AFP: variants seen among roughly 807,000 people sequenced by gnomAD.
AFP encodes alpha-fetoprotein.
Under a neutral mutation model 78.9 loss-of-function variants are expected in AFP, and 64 were observed. That is an observed-to-expected ratio of 0.81 (90% CI 0.66 to 1.00). The LOEUF (loss-of-function observed/expected upper bound fraction) is 1.00. AFP is among the 50% of genes least tolerant of loss of function. The pLI is 0.00. For synonymous variants in AFP, 254 were observed against 243.8 expected (o/e 1.04, Z -0.39); for missense variants, 689 against 703.8 (o/e 0.98, Z 0.24).
chr4:73,441,712 G>A (rs1445599222), intron 4 of AFP, among the ~76,000 whole-genome samples: 2 of 151,838 alleles, frequency 1.3e-5, no homozygotes, highest in Non-Finnish European at 2.9e-5. Flanking sequence ...ATAGGAAATT[G>A]AAGGTTGGAA....
In AFP at chr4:73,453,772, A is replaced by C; in HGVS notation, c.1660A>C (p.Ile554Leu). 5.6e-6 allele frequency: 9 copies of C among 1,613,546 alleles called. No individual in the cohort carries two copies. The highest frequency in any genetic ancestry group is 7.6e-6 in the Non-Finnish European group (9 of 1,179,582). ...ALQTMKQEFL[I>L]NLVKQKPQIT... ...TTTTGTTTTAAATCACAGGTTTCTC[A>C]TTAACCTTGTGAAGCAAAAGCCACA... Residue 554 changes from isoleucine to leucine, a missense_variant, in exon 13 of 15, where the codon ATT becomes CTT. Ile to Leu is a conservative substitution (Grantham distance 5). Coordinates refer to ENST00000395792, the MANE Select transcript of AFP (RefSeq NM_001134.3).
chr4:73,453,399 T>TA (rs529560786), intron 12 of AFP: 87 of 264,802 alleles, frequency 3.3e-4, no homozygotes, highest in Non-Finnish European at 5.7e-4. Context: ...AGGGGTGTGA[T>TA]AACTGGATGG....
At position 73,447,518 on chromosome 4, in the gene AFP, A is replaced by G. The variant is rs566738802; in HGVS notation, c.900A>G (p.Thr300=). ...AAGACACTCTGTCAAACAAAATAAC[A>G]GAATGCTGCAAACTGACCACGCTGG... ...SQQDTLSNKI[T]ECCKLTTLER... The change falls in exon 8 of 15, where the codon ACA becomes ACG. Residue 300 remains threonine, a synonymous_variant. Coordinates refer to ENST00000395792, the MANE Select transcript of AFP (RefSeq NM_001134.3). The G allele has an allele frequency of 6.2e-7, 1 of 1,612,470 alleles. No homozygotes were observed. The highest frequency in any genetic ancestry group is 2.2e-5 in the East Asian group (1 of 44,854).
In AFP at chr4:73,440,730, A is replaced by G. The variant is rs200305333; in HGVS notation, c.399A>G (p.Pro133=). ...NCFLAHKKPT[P]ASIPLFQVPE... is the part of the protein sequence containing the mutation. ...TTCTTGCACACAAAAAGCCCACTCCAGCATCGATCCCACTTTTCCAAGTTC... is the reference window on the plus strand; with the variant it reads ...TTCTTGCACACAAAAAGCCCACTCCGGCATCGATCCCACTTTTCCAAGTTC... Residue 133 remains proline, a synonymous_variant, in exon 4 of 15, where the codon CCA becomes CCG. Transcript: ENST00000395792. 5.3e-5 allele frequency: 86 copies of G among 1,614,086 alleles called. No individual in the cohort carries two copies. Among genetic ancestry groups the G allele is most frequent in the Admixed American group, 1.2e-4 (7 of 60,008 alleles).
At position 73,447,541 on chromosome 4, in the gene AFP, TGGAA is replaced by T. The variant is rs1299492872; in HGVS notation, c.924_927del (p.Glu309ValfsTer5). 1.2e-6 allele frequency: 2 copies of T among 1,612,978 alleles called. No individual in the cohort carries two copies. Among genetic ancestry groups the T allele is most frequent in the Non-Finnish European group, 8.5e-7 (1 of 1,179,650 alleles). On this transcript the variant is annotated frameshift_variant, in exon 8 of 15. Coordinates refer to ENST00000395792, the MANE Select transcript of AFP (RefSeq NM_001134.3). LOFTEE classifies it high-confidence loss of function. ...ACAGAATGCTGCAAACTGACCACGCTGGAACGTGGTCAATGTATAATTCATGCAG... is the reference window on the plus strand; with the variant it reads ...ACAGAATGCTGCAAACTGACCACGCTCGTGGTCAATGTATAATTCATGCAG...
chr4:73,449,052 G>A (rs531868423), intron 8 of AFP, among the ~76,000 whole-genome samples: 83 of 152,126 alleles, frequency 5.5e-4, no homozygotes, highest in African/African-American at 1.9e-3. Flanking sequence ...AGTGGACACT[G>A]GAAAAATATT....
intron 7 of AFP, among the ~76,000 whole-genome samples, chr4:73,446,397 A>G (rs11936954): frequency 0.012 from 1,844 of 152,264 alleles, 49 homozygotes; most frequent in African/African-American, 0.042. Flanking sequence ...TAATTTCAGC[A>G]TGATATGTAA....
Position 73,450,318 on chromosome 4 carries a change from G to A in AFP, c.1289+185G>A, listed in dbSNP as rs576507972. 9.9e-5 allele frequency among the ~76,000 whole-genome samples: 15 copies of A among 152,270 alleles called. No homozygotes were observed. The South Asian group carries it at 1.9e-3, about 19-fold the overall frequency. On this transcript the variant is annotated intron_variant, in intron 10 of 14. Transcript: ENST00000395792. ...ATATCCATTCTGTCATAGTCTGTCCGAGTTAAAGCACCAAAAGATCACAGT... is the reference window on the plus strand; with the variant it reads ...ATATCCATTCTGTCATAGTCTGTCCAAGTTAAAGCACCAAAAGATCACAGT...
chr4:73,450,726 C>G lies in AFP; in HGVS notation c.1401C>G (p.Asp467Glu). ...CCACTTGTTGCCAACTCAGTGAGGA[C>G]AAACTATTGGCCTGTGGCGAGGGAG... ...TAATCCQLSEDKLLACGEGAA... is the reference protein window; with the variant it reads ...TAATCCQLSEEKLLACGEGAA... Residue 467 changes from aspartate to glutamate, a missense_variant, in exon 11 of 15, where the codon GAC becomes GAG. Physicochemically the swap from Asp to Glu is conservative, Grantham distance 45. Transcript: ENST00000395792. 6.2e-7 allele frequency: 1 copy of G among 1,614,204 alleles called. No homozygotes were observed. Among genetic ancestry groups the G allele is most frequent in the South Asian group, 1.1e-5 (1 of 91,088 alleles).
At chr4:73,453,721 G>T in intron 12 of AFP, 44 bp from the exon 13 acceptor site, 2 of 1,605,010 alleles carry the variant, frequency 1.2e-6, no homozygotes, top group Non-Finnish European at 1.7e-6. Context: ...AAATAGCATT[G>T]CATAACAGAC....
In AFP at chr4:73,440,736, G is replaced by A. The variant is rs767798104; in HGVS notation, c.405G>A (p.Ser135=). 5.0e-6 allele frequency: 8 copies of A among 1,613,974 alleles called. No individual in the cohort carries two copies. The African/African-American group carries it at 6.7e-5, about 13-fold the overall frequency. ...CACACAAAAAGCCCACTCCAGCATC[G>A]ATCCCACTTTTCCAAGTTCCAGAAC... The part of the protein sequence containing the change: ...FLAHKKPTPA[S]IPLFQVPEPV... The change falls in exon 4 of 15, where the codon TCG becomes TCA. Residue 135 remains serine, a synonymous_variant. Coordinates refer to ENST00000395792, the MANE Select transcript of AFP (RefSeq NM_001134.3).
Position 73,450,023 on chromosome 4 carries a change from TC to T in AFP, c.1192-12del, listed in dbSNP as rs773484555. 1.0e-5 allele frequency: 16 copies of T among 1,596,530 alleles called. No individual in the cohort carries two copies. In the Admixed American group the frequency reaches 2.7e-4, roughly 27 times the overall value. On this transcript the variant is annotated splice_polypyrimidine_tract_variant and intron_variant, in intron 9 of 14. Transcript: ENST00000395792. ...AAAAGAAAAATGTATATGTAATAAT[TC>T]TTCATTTTCAGGAAGAAGAATTACA...
chr4:73,445,121 G>C lies in AFP; in HGVS notation c.842G>C (p.Gly281Ala), dbSNP rs1407021517. The change falls in exon 7 of 15, where the codon GGG (glycine) becomes GCG (alanine). Residue 281 changes from glycine to alanine, a missense_variant and splice_region_variant. Gly to Ala is a moderately conservative substitution (Grantham distance 60). Transcript: ENST00000395792. ...RGDVLDCLQD[G>A]EKIMSYICSQ... The stretch of plus-strand genomic sequence containing the variant: ...GATGTGCTGGATTGTCTGCAGGATG[G>C]GGTGAAGAGTCTTGCTTCTTAAAAT... The C allele has an allele frequency of 6.2e-7, 1 of 1,613,802 alleles. No homozygotes were observed. The highest frequency in any genetic ancestry group is 8.5e-7 in the Non-Finnish European group (1 of 1,179,786).
chr4:73,453,978 T>G (rs779115469), intron 13 of AFP, 81 bp downstream of exon 13: 1 of 1,522,120 alleles, frequency 6.6e-7, no homozygotes, highest in Non-Finnish European at 9.0e-7. Context: ...CCCTACAAAT[T>G]TATAACTTTA....
intron 9 of AFP, 48 bp downstream of exon 9, chr4:73,449,515 T>C (rs985406204): frequency 6.2e-7 from 1 of 1,605,420 alleles, no homozygotes; most frequent in South Asian, 1.1e-5. Context: ...TGGATTGATA[T>C]CATCTGTTAA....
rs1720143968 is a variant in AFP, at chr4:73,455,808, G to T, written c.*188G>T. 1 of 611,622 alleles carries T rather than the reference G, an allele frequency of 1.6e-6. No homozygotes were observed. Among genetic ancestry groups the T allele is most frequent in the South Asian group, 1.9e-5 (1 of 51,548 alleles). The allele number at this position is 611,622 out of a possible 1,614,324, so 37.9% of individuals were successfully genotyped here. A position where few individuals can be genotyped will look rare whatever the true frequency, so the allele number is the denominator to read the frequency against. ...TTCCAAGTTTGCTTATTTATGAAAA[G>T]TTATCGATAATTTCTTTAGTTTTGT... On this transcript the variant is annotated 3_prime_UTR_variant, in exon 15 of 15. Transcript: ENST00000395792.
chr4:73,449,505 T>G, intron 9 of AFP, 38 bp downstream of exon 9: 1 of 1,610,288 alleles, frequency 6.2e-7, no homozygotes, highest in South Asian at 1.1e-5. Context: ...TATGAAAAAC[T>G]GGATTGATAT....
intron 2 of AFP, among the ~76,000 whole-genome samples, 185 bp downstream of exon 2, chr4:73,437,396 C>T (rs935774668): frequency 3.3e-5 from 5 of 151,968 alleles, no homozygotes; most frequent in East Asian, 1.9e-4. Context: ...CTAATGTCTT[C>T]GACATTGACC....
chr4:73,443,362 A>C lies in AFP; in HGVS notation c.631A>C (p.Lys211Gln). 6.2e-7 allele frequency: 1 copy of C among 1,613,532 alleles called. No homozygotes were observed. Among genetic ancestry groups the C allele is most frequent in the South Asian group, 1.1e-5 (1 of 91,060 alleles). The change falls in exon 6 of 15, where the codon AAA (lysine) becomes CAA (glutamine). Residue 211 changes from lysine (K) to glutamine (Q), a missense_variant. Coordinates refer to ENST00000395792, the MANE Select transcript of AFP (RefSeq NM_001134.3). ...CFQTKAATVT[K>Q]ELRESSLLNQ... is the part of the protein sequence containing the mutation. ...CTACATCTAGGCAGCAACAGTTACAAAAGAATTAAGAGAAAGCAGCTTGTT... is the reference window on the plus strand; with the variant it reads ...CTACATCTAGGCAGCAACAGTTACACAAGAATTAAGAGAAAGCAGCTTGTT...
Sources: allele counts gnomAD v4.1 joint callset (sites outside exome capture counted in the v4.1 genomes callset), GRCh38; gene constraint gnomAD v4.1.1; transcripts MANE v1.5; gene names NCBI Gene and HGNC (gene_info 2026-07-23, HGNC 2026-07-21).